Variants in MAF observed in about 807,000 individuals in gnomAD.
The protein encoded by MAF is transcription factor Maf.
MAF carries 10 observed loss-of-function variants against 22.0 expected under a neutral mutation model. The observed-to-expected ratio is 0.45, with a 90% CI of 0.28 to 0.77. The LOEUF (loss-of-function observed/expected upper bound fraction) is 0.77, where lower values mean the gene tolerates loss of function less well. Among genes scored for constraint, MAF ranks in the 30% least tolerant of loss-of-function variants. The pLI is 0.12. For synonymous variants in MAF, 337 were observed against 255.8 expected, an observed-to-expected ratio of 1.32 and a Z score of -3.03; for missense variants, 544 against 548.4, an observed-to-expected ratio of 0.99 and a Z score of 0.08.
chr16:79,475,317 T>C, the MAF span, among the ~76,000 whole-genome samples: 3 of 150,998 alleles, frequency 2.0e-5, no homozygotes, highest in South Asian at 4.2e-4. Context: ...CACATATATA[T>C]GTGCATATAT....
the MAF span, among the ~76,000 whole-genome samples, chr16:79,574,974 C>T: frequency 3.3e-5 from 5 of 151,210 alleles, no homozygotes; most frequent in African/African-American, 4.9e-5. Context: ...CCCTGGGGTT[C>T]TTCTACTAGG....
At chr16:79,240,326 G>A in the MAF span, among the ~76,000 whole-genome samples, 1 of 151,006 alleles carries the variant, frequency 6.6e-6, no homozygotes, top group African/African-American at 2.4e-5. Flanking sequence ...CCTTTCTTCT[G>A]TCTGTATGCC....
At chr16:79,291,583 G>C in the MAF span, among the ~76,000 whole-genome samples, 4 of 151,240 alleles carry the variant, frequency 2.6e-5, no homozygotes, top group African/African-American at 7.3e-5. Flanking sequence ...AACCTATCTG[G>C]GGGTGAGTTC....
At chr16:79,221,128 T>C in the MAF span, among the ~76,000 whole-genome samples, 1 of 152,246 alleles carries the variant, frequency 6.6e-6, no homozygotes, top group African/African-American at 2.4e-5. Context: ...GTTCGAAGAC[T>C]TTCTTGACTG....
chr16:79,538,871 A>AAAAGAAAAGAAAG, the MAF span, among the ~76,000 whole-genome samples: 3 of 104,254 alleles, frequency 2.9e-5, no homozygotes, highest in East Asian at 4.6e-4. Context: ...AAAAGAAAAG[A>AAAAGAAAAGAAAG]AAAGAAAGAA....
At chr16:79,379,330 G>C in the MAF span, among the ~76,000 whole-genome samples, 9 of 152,154 alleles carry the variant, frequency 5.9e-5, no homozygotes, top group Admixed American at 2.0e-4. Flanking sequence ...GTTGCCTTGG[G>C]TGTGTCAGCC....
chr16:79,307,650 T>A, the MAF span, among the ~76,000 whole-genome samples: 2 of 152,022 alleles, frequency 1.3e-5, no homozygotes, highest in East Asian at 1.9e-4. Flanking sequence ...CAGAAAAAAA[T>A]ATATATAACC....
chr16:79,247,915 T>C, the MAF span, among the ~76,000 whole-genome samples: 1 of 152,306 alleles, frequency 6.6e-6, no homozygotes, highest in African/African-American at 2.4e-5. Context: ...GAAAACTCTT[T>C]TTATTTTGTT....
At chr16:79,345,760 T>G in the MAF span, among the ~76,000 whole-genome samples, 1 of 148,494 alleles carries the variant, frequency 6.7e-6, no homozygotes, top group East Asian at 2.0e-4. Flanking sequence ...AAAAAATCTT[T>G]AACTTGCTTT....
chr16:79,360,964 C>T, the MAF span, among the ~76,000 whole-genome samples: 1 of 152,170 alleles, frequency 6.6e-6, no homozygotes, highest in Admixed American at 6.6e-5. Flanking sequence ...GGAGCATTTA[C>T]ACCACAGAAA....
chr16:79,388,831 G>C, the MAF span, among the ~76,000 whole-genome samples: 2 of 152,112 alleles, frequency 1.3e-5, no homozygotes, highest in Non-Finnish European at 2.9e-5. Context: ...GAAAACTGAG[G>C]CCCAGAGAAG....
the MAF span, among the ~76,000 whole-genome samples, chr16:79,561,691 T>G: frequency 6.6e-6 from 1 of 152,064 alleles, no homozygotes; most frequent in Admixed American, 6.5e-5. Context: ...CCACTGCCCC[T>G]ACAATGTCTT....
chr16:79,332,960 G>A, the MAF span, among the ~76,000 whole-genome samples: 229 of 152,174 alleles, frequency 1.5e-3, 1 homozygote, highest in Non-Finnish European at 1.6e-3. Flanking sequence ...CTTTTTGCAC[G>A]TCACTGCCCA....
the MAF span, among the ~76,000 whole-genome samples, chr16:79,362,939 G>T: frequency 0.2 from 30,511 of 152,028 alleles, 4,794 homozygotes; most frequent in African/African-American, 0.43. Flanking sequence ...CCTGCATTAA[G>T]CTTCTTTTAT....
the MAF span, among the ~76,000 whole-genome samples, chr16:79,519,940 A>G: frequency 6.6e-6 from 1 of 152,174 alleles, no homozygotes; most frequent in East Asian, 1.9e-4. Flanking sequence ...ATGTTTGTCA[A>G]TGCAAGACCT....
At chr16:79,429,895 G>A in the MAF span, among the ~76,000 whole-genome samples, 1 of 152,302 alleles carries the variant, frequency 6.6e-6, no homozygotes, top group East Asian at 1.9e-4. Context: ...TGTAGGTCTT[G>A]CTGGATGAAT....
At chr16:79,449,346 T>G in the MAF span, among the ~76,000 whole-genome samples, 2 of 152,126 alleles carry the variant, frequency 1.3e-5, no homozygotes, top group African/African-American at 2.4e-5. Flanking sequence ...GGTATAAACA[T>G]AACTTTTATA....
At chr16:79,438,134 A>T in the MAF span, among the ~76,000 whole-genome samples, 2 of 150,934 alleles carry the variant, frequency 1.3e-5, no homozygotes, top group Admixed American at 1.3e-4. Flanking sequence ...GGGGGAAGAG[A>T]GTGGGGGCAG....
the MAF span, among the ~76,000 whole-genome samples, chr16:79,564,186 C>A: frequency 6.6e-6 from 1 of 152,210 alleles, no homozygotes; most frequent in Non-Finnish European, 1.5e-5. Flanking sequence ...GGCAGGGCAG[C>A]GTTCCTCCTC....
Sources: allele counts gnomAD v4.1 joint callset (sites outside exome capture counted in the v4.1 genomes callset), GRCh38; gene constraint gnomAD v4.1.1; transcripts MANE v1.5; gene names NCBI Gene and HGNC (gene_info 2026-07-23, HGNC 2026-07-21).